RTTN: variants seen among roughly 807,000 people sequenced by gnomAD.
RTTN encodes the protein rotatin.
Under a neutral mutation model 269.2 loss-of-function variants are expected in RTTN, and 182 were observed. The observed-to-expected ratio is 0.68, with a 90% confidence interval of 0.60 to 0.76. The LOEUF (loss-of-function observed/expected upper bound fraction) is 0.76. Among genes scored for constraint, RTTN ranks in the 30% least tolerant of loss-of-function variants. RTTN has a pLI of 0.00. For synonymous variants in RTTN, 1,006 were observed against 963.5 expected, an observed-to-expected ratio of 1.04 and a Z score of -0.82; for missense variants, 2,545 against 2,608.6, an observed-to-expected ratio of 0.98 and a Z score of 0.53.
chr18:70,098,131 G>A (rs564056888), intron 28 of RTTN, among the ~76,000 whole-genome samples: 6 of 152,142 alleles, frequency 3.9e-5, no homozygotes, highest in East Asian at 1.9e-4. Context: ...CACGGGTAAC[G>A]TGAATGTTTG....
rs142503643 is a variant in RTTN at position 70,055,475 on chromosome 18, T to A, written c.5032-1191A>T. On this transcript the variant is annotated intron_variant, in intron 37 of 48. Transcript: ENST00000640769. ...AATAGTTCTGCCCTACTTCTCCTGA[T>A]GAATACGTCCTCCCTTTATCTAATC... 2.7e-4 allele frequency among the ~76,000 whole-genome samples: 41 copies of A among 152,314 alleles called. 1 individual carries two copies. Among genetic ancestry groups the A allele is most frequent in the African/African-American group, 7.9e-4 (33 of 41,572 alleles).
chr18:70,091,680 G>C (rs1166466620), intron 30 of RTTN: 1 of 152,000 alleles, frequency 6.6e-6, no homozygotes, highest in Non-Finnish European at 1.5e-5. Flanking sequence ...CTAAAACAGG[G>C]CTTAAATAAA....
At chr18:70,028,039 G>A (rs939037727) in intron 43 of RTTN, among the ~76,000 whole-genome samples, 3 of 151,320 alleles carry the variant, frequency 2.0e-5, no homozygotes, top group East Asian at 3.9e-4. Flanking sequence ...TTTTATTTTC[G>A]TGGCCAGCTT....
intron 6 of RTTN, 30 bp from the exon 7 acceptor site, chr18:70,196,678 T>A (rs1397826493): frequency 1.9e-6 from 3 of 1,603,370 alleles, no homozygotes; most frequent in Non-Finnish European, 2.6e-6. Flanking sequence ...TGAAAATTAC[T>A]AAGGGAACAA....
At chr18:70,092,007 C>A in intron 30 of RTTN, 103 bp downstream of exon 30, 1 of 608,562 alleles carries the variant, frequency 1.6e-6, no homozygotes. Context: ...CCCACCTCAG[C>A]CTCCCAACAA....
At chr18:70,181,633 C>A (rs1486227687) in intron 10 of RTTN, among the ~76,000 whole-genome samples, 1 of 152,006 alleles carries the variant, frequency 6.6e-6, no homozygotes, top group Non-Finnish European at 1.5e-5. Context: ...ATTATATATC[C>A]TCAGGTACTT....
At chr18:70,108,443 A>C (rs577468054) in intron 28 of RTTN, among the ~76,000 whole-genome samples, 1 of 152,322 alleles carries the variant, frequency 6.6e-6, no homozygotes, top group South Asian at 2.1e-4. Context: ...AAAAGATTTA[A>C]AATGGTTGAA....
intron 39 of RTTN, 30 bp downstream of exon 39, chr18:70,051,381 G>A (rs1599284163): frequency 6.3e-7 from 1 of 1,574,918 alleles, no homozygotes. Context: ...TTAGCAGAAA[G>A]CCCCCAAGAT....
At chr18:70,203,545 A>G (rs1004988170) in intron 3 of RTTN, among the ~76,000 whole-genome samples, 1 of 152,168 alleles carries the variant, frequency 6.6e-6, no homozygotes, top group Non-Finnish European at 1.5e-5. Flanking sequence ...TGAAGCCTGG[A>G]AGGGTTAATT....
chr18:70,168,760 C>A (rs952666842), intron 12 of RTTN, 95 bp downstream of exon 12: 7 of 917,534 alleles, frequency 7.6e-6, no homozygotes, highest in African/African-American at 1.7e-5. Context: ...CCACCTGTGA[C>A]AATTTAATTA....
intron 40 of RTTN, among the ~76,000 whole-genome samples, chr18:70,041,910 A>G (rs2057352306): frequency 6.6e-6 from 1 of 152,074 alleles, no homozygotes; most frequent in South Asian, 2.1e-4. Flanking sequence ...TAAGCCCCAG[A>G]AGACAAGCCT....
rs377275854 is a variant in RTTN, at chr18:70,205,676, C to G, written c.-18G>C. 4.3e-6 allele frequency: 7 copies of G among 1,614,080 alleles called. No individual in the cohort carries two copies. Among genetic ancestry groups the G allele is most frequent in the Non-Finnish European group, 5.9e-6 (7 of 1,179,988 alleles). ...AGGACCATCTCGTCCCGTCAATCTG[C>G]AGCCGCCGGAGAATTAAACTGCCGC... is the stretch of plus-strand genomic sequence containing the variant. On this transcript the variant is annotated 5_prime_UTR_variant, in exon 1 of 49. Coordinates refer to ENST00000640769, the MANE Select transcript of RTTN (RefSeq NM_173630.4).
chr18:70,126,093 T>G (rs998825223), intron 25 of RTTN, among the ~76,000 whole-genome samples: 2 of 152,064 alleles, frequency 1.3e-5, no homozygotes, highest in African/African-American at 4.8e-5. Flanking sequence ...CCACTTACAC[T>G]AGTCCTGAGG....
chr18:70,125,434 A>G (rs1341709434), intron 25 of RTTN, among the ~76,000 whole-genome samples: 1 of 151,936 alleles, frequency 6.6e-6, no homozygotes, highest in African/African-American at 2.4e-5. Context: ...TAACATACAC[A>G]CTCACTCCTA....
chr18:70,197,818 C>T (rs2061849335), intron 5 of RTTN, 80 bp from the exon 6 acceptor site: 1 of 842,882 alleles, frequency 1.2e-6, no homozygotes, highest in Non-Finnish European at 2.0e-6. Context: ...ACAATGACTC[C>T]ATTAACAATC....
chr18:70,201,594 C>T (rs1250893491), intron 4 of RTTN, among the ~76,000 whole-genome samples: 5 of 101,800 alleles, frequency 4.9e-5, no homozygotes, highest in Non-Finnish European at 8.8e-5. Flanking sequence ...GGCGACAGAG[C>T]GAGACTCCAT....
chr18:70,161,048 T>TA (rs778261079), intron 14 of RTTN, among the ~76,000 whole-genome samples: 2 of 152,108 alleles, frequency 1.3e-5, no homozygotes, highest in Non-Finnish European at 2.9e-5. Flanking sequence ...AAAGCAAACT[T>TA]AAGCAAAAAG....
At chr18:70,182,367 TTAAA>T (rs1416926045) in intron 10 of RTTN, among the ~76,000 whole-genome samples, 2 of 152,260 alleles carry the variant, frequency 1.3e-5, no homozygotes, top group Middle Eastern at 3.4e-3. Flanking sequence ...CAATGTTTAA[TTAAA>T]TATAGACCGA....
intron 14 of RTTN, among the ~76,000 whole-genome samples, chr18:70,151,458 T>C (rs1268935670): frequency 6.6e-6 from 1 of 151,948 alleles, no homozygotes; most frequent in Non-Finnish European, 1.5e-5. Flanking sequence ...ATATAGAAGG[T>C]AAAAATACAA....
Sources: allele counts gnomAD v4.1 joint callset (sites outside exome capture counted in the v4.1 genomes callset), GRCh38; gene constraint gnomAD v4.1.1; transcripts MANE v1.5; gene names NCBI Gene and HGNC (gene_info 2026-07-23, HGNC 2026-07-21).